Variants in STRN observed in about 807,000 individuals in gnomAD.
STRN encodes protein phosphatase 2 regulatory subunit B'''alpha.
In STRN, 53 loss-of-function variants were observed where a neutral mutation model predicts 96.3. The ratio of observed to expected loss-of-function variants is 0.55; its 90% confidence interval spans 0.44 to 0.69. STRN has a LOEUF of 0.69. STRN is among the 30% of genes least tolerant of loss of function. The pLI, the probability that STRN is intolerant of heterozygous loss-of-function variation, is 0.00. For synonymous variants in STRN, 428 were observed against 355.9 expected, an observed-to-expected ratio of 1.20 and a Z score of -2.28; for missense variants, 987 against 963.9, an observed-to-expected ratio of 1.02 and a Z score of -0.32.
intron 1 of STRN, among the ~76,000 whole-genome samples, chr2:36,935,224 CG>C (rs1230955543): frequency 6.6e-6 from 1 of 152,158 alleles, no homozygotes; most frequent in Non-Finnish European, 1.5e-5. Context: ...CTTTCATTTT[CG>C]GATTCTACCA....
At chr2:36,959,718 T>A (rs1309620974) in intron 1 of STRN, among the ~76,000 whole-genome samples, 2 of 152,164 alleles carry the variant, frequency 1.3e-5, no homozygotes, top group Non-Finnish European at 2.9e-5. Context: ...GCCATCCATA[T>A]AGGGAATACT....
At chr2:36,942,274 G>A (rs979748109) in intron 1 of STRN, among the ~76,000 whole-genome samples, 1 of 152,096 alleles carries the variant, frequency 6.6e-6, no homozygotes, top group Non-Finnish European at 1.5e-5. Context: ...GATGGCAGAT[G>A]AGAAAGAAAA....
chr2:36,875,832 T>G (rs534332154), intron 10 of STRN, among the ~76,000 whole-genome samples: 5 of 152,284 alleles, frequency 3.3e-5, no homozygotes, highest in African/African-American at 1.2e-4. Flanking sequence ...AATTTTTTTG[T>G]ATTTTTAGTA....
rs565407834 is a variant in STRN, at chr2:36,844,007, G to C, written c.*5449C>G. 2 of 152,260 alleles carry C rather than the reference G, an allele frequency of 1.3e-5. No homozygotes were observed. The highest frequency in any genetic ancestry group is 4.1e-4 in the South Asian group (2 of 4,822). The allele number at this position is 152,260 out of a possible 1,614,324, so 9.4% of individuals were successfully genotyped here. A position where few individuals can be genotyped will look rare whatever the true frequency, so the allele number is the denominator to read the frequency against. On this transcript the variant is annotated 3_prime_UTR_variant, in exon 18 of 18. Coordinates refer to ENST00000263918, the MANE Select transcript of STRN (RefSeq NM_003162.4). ...AATCTGGCCCAGGGCTCACCAGCTG[G>C]AGGACTGGGTGTGGAGAGAAAGGGT...
intron 9 of STRN, among the ~76,000 whole-genome samples, chr2:36,878,741 TTTTA>T (rs937890436): frequency 3.9e-4 from 60 of 152,194 alleles, no homozygotes; most frequent in African/African-American, 1.2e-3. Context: ...TTTTTTTATT[TTTTA>T]TTTCTTTTTT....
rs1186568358 is a variant in STRN, at chr2:36,839,218, T to A, written c.*10238A>T. Among the ~76,000 whole-genome samples, 1 of 152,168 alleles carries A rather than the reference T, an allele frequency of 6.6e-6. No individual in the cohort carries two copies. The highest frequency in any genetic ancestry group is 2.4e-5 in the African/African-American group (1 of 41,446). On this transcript the variant is annotated 3_prime_UTR_variant, in exon 18 of 18. Coordinates refer to ENST00000263918, the MANE Select transcript of STRN (RefSeq NM_003162.4). ...CTTTCTTAACCTGAAAAACATCAAA[T>A]CATCCCCCTTCCCTGCTCTATTTTT...
intron 7 of STRN, among the ~76,000 whole-genome samples, chr2:36,890,477 CTTTTTTTTTTTTT>C (rs1163881782): frequency 9.6e-6 from 1 of 104,644 alleles, no homozygotes; most frequent in Non-Finnish European, 1.8e-5. Context: ...CACCAGAAAA[CTTTTTTTTTTTTT>C]TTTTTTTTTT....
intron 16 of STRN, among the ~76,000 whole-genome samples, chr2:36,850,175 G>C (rs1249539942): frequency 6.6e-6 from 1 of 152,124 alleles, no homozygotes; most frequent in East Asian, 1.9e-4. Context: ...AATTCACAGA[G>C]AGAAAACAAT....
chr2:36,845,890 CACACACACACACACACG>C lies in STRN; in HGVS notation c.*3549_*3565del, dbSNP rs1668056267. The C allele has an allele frequency of 2.1e-5, 1 of 48,396 alleles. No homozygotes were observed. Among genetic ancestry groups the C allele is most frequent in the Non-Finnish European group, 4.9e-5 (1 of 20,440 alleles). 3.0% of individuals were successfully genotyped at this position (48,396 alleles called of 1,614,324 possible). A position where few individuals can be genotyped will look rare whatever the true frequency, so the allele number is the denominator to read the frequency against. ...GGACCTTCACAGATTGGTAAACACACACACACACACACACACGCATGCATGCACACACACACACACAC... is the reference window on the plus strand; with the variant it reads ...GGACCTTCACAGATTGGTAAACACACCATGCATGCACACACACACACACAC... On this transcript the variant is annotated 3_prime_UTR_variant, in exon 18 of 18. Transcript: ENST00000263918.
intron 10 of STRN, among the ~76,000 whole-genome samples, chr2:36,877,282 C>T (rs1320075276): frequency 1.3e-5 from 2 of 152,168 alleles, no homozygotes; most frequent in African/African-American, 4.8e-5. Flanking sequence ...CAACTAATTG[C>T]TGGTGCCCTA....
At chr2:36,935,392 A>G (rs944697995) in intron 1 of STRN, among the ~76,000 whole-genome samples, 3 of 152,240 alleles carry the variant, frequency 2.0e-5, no homozygotes, top group Non-Finnish European at 4.4e-5. Flanking sequence ...GCAAAAAGGC[A>G]AGAAAATAAG....
chr2:36,964,274 T>G (rs1665102599), intron 1 of STRN, among the ~76,000 whole-genome samples: 1 of 147,604 alleles, frequency 6.8e-6, no homozygotes, highest in South Asian at 2.1e-4. Flanking sequence ...TTGTTTTTGT[T>G]TTTTTTTTTT....
chr2:36,966,130 G>C (rs965387725), intron 1 of STRN, 100 bp downstream of exon 1: 1 of 1,316,242 alleles, frequency 7.6e-7, no homozygotes, highest in East Asian at 3.2e-5. Context: ...CAAAGGGGGA[G>C]GGGACGCGAG....
chr2:36,953,402 C>CTT lies in STRN; in HGVS notation c.234+12826_234+12827dup, dbSNP rs58389468. The stretch of plus-strand genomic sequence containing the variant: ...TCCATTATCTTATACAGATAAGGTC[C>CTT]TTTTTTTTTTTTTTTTTGGAAATGC... On this transcript the variant is annotated intron_variant, in intron 1 of 17. Coordinates refer to ENST00000263918, the MANE Select transcript of STRN (RefSeq NM_003162.4). 5.9e-3 allele frequency among the ~76,000 whole-genome samples: 802 copies of CTT among 135,180 alleles called. 12 individuals carry two copies. The highest frequency in any genetic ancestry group is 0.021 in the African/African-American group (754 of 36,124). 88.7% of individuals were successfully genotyped at this position (135,180 alleles called of 152,430 possible).
chr2:36,954,898 C>G (rs1182991860), intron 1 of STRN, among the ~76,000 whole-genome samples: 1 of 152,146 alleles, frequency 6.6e-6, no homozygotes, highest in East Asian at 1.9e-4. Flanking sequence ...CTCAGCCTCC[C>G]AAAGTGCTAG....
chr2:36,884,043 C>A lies in STRN; in HGVS notation c.1075G>T (p.Ala359Ser). 1.4e-6 allele frequency: 2 copies of A among 1,405,148 alleles called. No homozygotes were observed. The highest frequency in any genetic ancestry group is 2.4e-5 in the Admixed American group (1 of 41,000). The allele number at this position is 1,405,148 out of a possible 1,614,324, so 87.0% of individuals were successfully genotyped here. The change falls in exon 9 of 18, where the codon GCT becomes TCT. Residue 359 changes from alanine to serine, a missense_variant. Physicochemically the swap from Ala to Ser is moderately conservative, Grantham distance 99. Coordinates refer to ENST00000263918, the MANE Select transcript of STRN (RefSeq NM_003162.4). ...AGTTCATCAACATCTCTCAAATTAG[C>A]AAGCATATCTTGTAGTTTTGACCTA... ...PNRSKLQDML[A>S]NLRDVDELPS...
At chr2:36,855,463 C>T (rs1283830230) in intron 14 of STRN, 111 bp from the exon 15 acceptor site, 4 of 1,081,732 alleles carry the variant, frequency 3.7e-6, no homozygotes, top group African/African-American at 3.2e-5. Context: ...GTAAACAAGG[C>T]TTACCATTAG....
intron 13 of STRN, among the ~76,000 whole-genome samples, chr2:36,858,994 G>A (rs1668415502): frequency 6.6e-6 from 1 of 152,140 alleles, no homozygotes; most frequent in African/African-American, 2.4e-5. Context: ...TTGACAAGAA[G>A]GCAGCACCTA....
At chr2:36,890,602 G>A (rs1326391814) in intron 7 of STRN, among the ~76,000 whole-genome samples, 2 of 148,740 alleles carry the variant, frequency 1.3e-5, no homozygotes, top group African/African-American at 5.0e-5. Flanking sequence ...TCCTACCTCA[G>A]CCTCCCGAGT....
Sources: gnomAD v4.1 joint callset for allele counts (sites outside exome capture counted in the v4.1 genomes callset) on GRCh38, gnomAD v4.1.1 for gene constraint, MANE v1.5 for transcripts, NCBI Gene and HGNC (gene_info 2026-07-23, HGNC 2026-07-21) for gene names.